Variants in NUP153 observed in about 807,000 individuals in gnomAD.
The protein encoded by NUP153 is nucleoporin 153.
In NUP153, 27 loss-of-function variants were observed where a neutral mutation model predicts 134.6. The observed-to-expected ratio is 0.20, with a 90% confidence interval of 0.15 to 0.28. The LOEUF (loss-of-function observed/expected upper bound fraction) is 0.28. Ranked by LOEUF, NUP153 falls within the 10% of genes least tolerant of loss-of-function variation. NUP153 has a pLI of 1.00. For synonymous variants in NUP153, 640 were observed against 623.5 expected, an observed-to-expected ratio of 1.03 and a Z score of -0.40; for missense variants, 1,821 against 1,731.3, an observed-to-expected ratio of 1.05 and a Z score of -0.92.
intron 1 of NUP153, among the ~76,000 whole-genome samples, chr6:17,697,951 T>C (rs1365840257): frequency 6.6e-6 from 1 of 152,218 alleles, no homozygotes; most frequent in East Asian, 1.9e-4. Context: ...CCTTCCTTCC[T>C]TCTATACAAA....
chr6:17,629,522 A>G lies in NUP153; in HGVS notation c.2677T>C (p.Ser893Pro). ...GAGGAGGCTGCTGAGTTCGAAGATG[A>G]GGAAGATGTGTCAAAGCCTACAAAA... ...SGFKGFDTSS[S>P]SSNSAASSSF... Residue 893 changes from serine to proline, a missense_variant, in exon 18 of 22, where the codon TCA becomes CCA. Transcript: ENST00000262077. The G allele has an allele frequency of 6.3e-7, 1 of 1,596,492 alleles. No individual in the cohort carries two copies. Among genetic ancestry groups the G allele is most frequent in the Non-Finnish European group, 8.5e-7 (1 of 1,175,174 alleles).
Position 17,625,205 on chromosome 6 carries a change from C to A in NUP153, c.3902-372G>T, listed in dbSNP as rs576232098. On this transcript the variant is annotated intron_variant, in intron 19 of 21. Transcript: ENST00000262077. The surrounding 1 kb of genome is among the most constrained non-coding windows in gnomAD (Gnocchi z 4.7). The stretch of plus-strand genomic sequence containing the variant: ...TAAAGACTGATGTTTAATAAAACAA[C>A]TTCCAGTGTCTGGTTACTGACAACC... Among the ~76,000 whole-genome samples the A allele has an allele frequency of 2.0e-5, 3 of 152,312 alleles. No individual in the cohort carries two copies. The highest frequency in any genetic ancestry group is 1.9e-4 in the East Asian group (1 of 5,182).
chr6:17,659,253 G>A (rs565962720), intron 11 of NUP153, among the ~76,000 whole-genome samples: 15 of 152,312 alleles, frequency 9.8e-5, no homozygotes, highest in African/African-American at 2.4e-4. Flanking sequence ...AGAGCTTGTC[G>A]AATCCCAAAG....
Position 17,637,729 on chromosome 6 carries a change from T to C in NUP153, c.1888A>G (p.Thr630Ala). The change falls in exon 16 of 22, where the codon ACC becomes GCC. Residue 630 changes from threonine to alanine, a missense_variant. Transcript: ENST00000262077. ...PKIDSVAAQP[T>A]ATSPVVYTRP... ...GTATAAACTACTGGGCTTGTTGCGG[T>C]GGGCTGAGCAGCAACAGAATCTATC... 4 of 1,605,526 alleles carry C rather than the reference T, an allele frequency of 2.5e-6. No individual in the cohort carries two copies. The highest frequency in any genetic ancestry group is 3.4e-6 in the Non-Finnish European group (4 of 1,179,832).
chr6:17,618,993 C>A (rs1764499842), intron 20 of NUP153, among the ~76,000 whole-genome samples: 1 of 152,018 alleles, frequency 6.6e-6, no homozygotes, highest in Admixed American at 6.6e-5. Flanking sequence ...AGGAAAATTC[C>A]CCAAAATGGA....
At chr6:17,701,975 CATCCCG>C (rs922936672) in intron 1 of NUP153, among the ~76,000 whole-genome samples, 8 of 151,978 alleles carry the variant, frequency 5.3e-5, no homozygotes, top group Non-Finnish European at 1.0e-4. Context: ...ACCCCACCCC[CATCCCG>C]GGACAAAAAG....
At chr6:17,662,937 CAA>C (rs2113817786) in intron 9 of NUP153, among the ~76,000 whole-genome samples, 1 of 152,116 alleles carries the variant, frequency 6.6e-6, no homozygotes, top group African/African-American at 2.4e-5. Context: ...GAACAAAAAA[CAA>C]AAGGAACTGT....
intron 8 of NUP153, among the ~76,000 whole-genome samples, chr6:17,665,591 A>G (rs895499688): frequency 1.3e-5 from 2 of 152,204 alleles, no homozygotes; most frequent in African/African-American, 4.8e-5. Flanking sequence ...ATATACACAC[A>G]TATAATTCTA....
Position 17,637,545 on chromosome 6 carries a change from G to A in NUP153, c.2072C>T (p.Thr691Ile). ...TGTTTCAATTCCAGTCTGTTTAGCA[G>A]TATCTCTGGGTGACAATTTTGCTGC... ...CQAAKLSPRD[T>I]AKQTGIETPN... Residue 691 changes from threonine (T) to isoleucine (I), a missense_variant, in exon 16 of 22, where the codon ACT (threonine) becomes ATT (isoleucine). By Grantham distance (89) the Thr-to-Ile change is moderately conservative. Coordinates refer to ENST00000262077, the MANE Select transcript of NUP153 (RefSeq NM_005124.4). The A allele has an allele frequency of 6.2e-7, 1 of 1,614,154 alleles. No individual in the cohort carries two copies. The highest frequency in any genetic ancestry group is 2.2e-5 in the East Asian group (1 of 44,882).
chr6:17,693,593 T>C (rs1448328092), intron 1 of NUP153, among the ~76,000 whole-genome samples: 1 of 152,214 alleles, frequency 6.6e-6, no homozygotes, highest in African/African-American at 2.4e-5. Context: ...TTCTTAAAGA[T>C]ACTTCCTTTG....
At chr6:17,623,604 C>A (rs912313661) in intron 20 of NUP153, among the ~76,000 whole-genome samples, 1 of 152,150 alleles carries the variant, frequency 6.6e-6, no homozygotes, top group Non-Finnish European at 1.5e-5. Context: ...TACAGAGTAG[C>A]ATTTCCTAGT....
intron 11 of NUP153, among the ~76,000 whole-genome samples, chr6:17,656,715 G>A (rs1016653196): frequency 3.9e-5 from 6 of 152,224 alleles, no homozygotes; most frequent in South Asian, 4.2e-4. Context: ...CTGTCTCCCC[G>A]CAAATTGGCC....
In NUP153 at chr6:17,688,500, C is replaced by A. The variant is rs774114606; in HGVS notation, c.230G>T (p.Arg77Leu). Residue 77 changes from arginine (R) to leucine (L), a missense_variant, in exon 2 of 22, where the codon CGC becomes CTC. Transcript: ENST00000262077. ...SCSTDTSEVP[R>L]WPENKEDHLV... is the part of the protein sequence containing the mutation. Reference sequence around the variant, plus strand: ...ATGGTCCTCTTTATTTTCTGGCCAGCGTGGAACCTCGCTTGTGTCTGTTGA... The same window carrying A: ...ATGGTCCTCTTTATTTTCTGGCCAGAGTGGAACCTCGCTTGTGTCTGTTGA... 6.2e-7 allele frequency: 1 copy of A among 1,613,974 alleles called. No individual in the cohort carries two copies. Among genetic ancestry groups the A allele is most frequent in the South Asian group, 1.1e-5 (1 of 91,084 alleles).
Position 17,629,458 on chromosome 6 carries a change from G to A in NUP153, c.2741C>T (p.Pro914Leu). The change falls in exon 18 of 22, where the codon CCT becomes CTT. Residue 914 changes from proline (P) to leucine (L), a missense_variant. Pro to Leu is a moderately conservative substitution (Grantham distance 98). Coordinates refer to ENST00000262077, the MANE Select transcript of NUP153 (RefSeq NM_005124.4). The part of the protein sequence containing the change: ...KFGVSSSSSG[P>L]SQTLTSTGNF... The stretch of plus-strand genomic sequence containing the variant: ...TCCAGTGCTTGTTAAAGTCTGAGAA[G>A]GCCCAGAAGAGGATGATGAGACACC... The A allele has an allele frequency of 6.2e-7, 1 of 1,613,170 alleles. No individual in the cohort carries two copies. The highest frequency in any genetic ancestry group is 8.5e-7 in the Non-Finnish European group (1 of 1,179,804).
At chr6:17,627,492 TTTG>T (rs1765004863) in intron 18 of NUP153, among the ~76,000 whole-genome samples, 1 of 152,196 alleles carries the variant, frequency 6.6e-6, no homozygotes, top group Admixed American at 6.5e-5. Flanking sequence ...TTGGTGTTTT[TTTG>T]TTGTTGTTGG....
intron 13 of NUP153, among the ~76,000 whole-genome samples, chr6:17,646,819 A>C (rs1274780884): frequency 1.3e-5 from 2 of 151,958 alleles, no homozygotes; most frequent in Non-Finnish European, 2.9e-5. Context: ...GGCTCACTGC[A>C]ACCTCTACCT....
At chr6:17,630,166 G>A (rs531347999) in intron 17 of NUP153, among the ~76,000 whole-genome samples, 1 of 152,286 alleles carries the variant, frequency 6.6e-6, no homozygotes, top group South Asian at 2.1e-4. Flanking sequence ...AACTTTGAAA[G>A]ATTTACAAGA....
chr6:17,677,962 T>C (rs1239700389), intron 2 of NUP153, among the ~76,000 whole-genome samples: 1 of 150,998 alleles, frequency 6.6e-6, no homozygotes, highest in Admixed American at 6.6e-5. Context: ...CATTACCACA[T>C]CCCCATAACT....
At chr6:17,635,281 T>C (rs138716490) in intron 16 of NUP153, among the ~76,000 whole-genome samples, 2,514 of 152,040 alleles carry the variant, frequency 0.017, 41 homozygotes, top group Non-Finnish European at 0.025. Context: ...GGCTAATTTT[T>C]TGTATTGTTA....
Sources: gnomAD v4.1 joint callset for allele counts (sites outside exome capture counted in the v4.1 genomes callset) on GRCh38, gnomAD v4.1.1 for gene constraint, Gnocchi (gnomAD v3.1) non-coding constraint, MANE v1.5 for transcripts, NCBI Gene and HGNC (gene_info 2026-07-23, HGNC 2026-07-21) for gene names.